Variants in SIPA1L1 observed in about 807,000 individuals in gnomAD.
The protein encoded by SIPA1L1 is signal induced proliferation associated 1 like 1, also known as signal-induced proliferation-associated 1-like protein 1.
Under a neutral mutation model 162.7 loss-of-function variants are expected in SIPA1L1, and 26 were observed. That is an observed-to-expected ratio of 0.16 (90% CI 0.12 to 0.22). The LOEUF (loss-of-function observed/expected upper bound fraction) is 0.22, where lower values mean the gene tolerates loss of function less well. Among genes scored for constraint, SIPA1L1 ranks in the 10% least tolerant of loss-of-function variants. SIPA1L1 has a pLI of 1.00. For synonymous variants in SIPA1L1, 829 were observed against 837.4 expected, an observed-to-expected ratio of 0.99 and a Z score of 0.17; for missense variants, 1,874 against 2,241.0, an observed-to-expected ratio of 0.84 and a Z score of 3.31.
At chr14:71,430,549 G>T (rs1377507489) in intron 2 of SIPA1L1, among the ~76,000 whole-genome samples, 1 of 152,186 alleles carries the variant, frequency 6.6e-6, no homozygotes, top group Non-Finnish European at 1.5e-5. Context: ...GCATGAGGTT[G>T]TCAGTGCAGT....
intron 2 of SIPA1L1, among the ~76,000 whole-genome samples, chr14:71,467,412 C>T (rs1049602619): frequency 6.6e-6 from 1 of 152,190 alleles, no homozygotes; most frequent in Admixed American, 6.5e-5. Flanking sequence ...ATTGTGTAAT[C>T]ATAAAATAGC....
intron 2 of SIPA1L1, among the ~76,000 whole-genome samples, chr14:71,333,960 A>G (rs910484507): frequency 1.3e-5 from 2 of 152,306 alleles, no homozygotes; most frequent in East Asian, 3.9e-4. Flanking sequence ...GGGTGAGATG[A>G]TGTGGAGTGT....
Position 71,618,869 on chromosome 14 carries a change from A to G in SIPA1L1, c.1611A>G (p.Ile537Met). The G allele has an allele frequency of 6.2e-7, 1 of 1,613,650 alleles. No individual in the cohort carries two copies. The highest frequency in any genetic ancestry group is 8.5e-7 in the Non-Finnish European group (1 of 1,179,784). The stretch of plus-strand genomic sequence containing the variant: ...ATGGATCTCCGTACAACTACCGAAT[A>G]ATTTTTAGAACTAGTGAGGTAAGTC... ...KENGSPYNYRIIFRTSELMTL... is the reference protein window; with the variant it reads ...KENGSPYNYRMIFRTSELMTL... The change falls in exon 6 of 24, where the codon ATA becomes ATG. Residue 537 changes from isoleucine to methionine, a missense_variant. By Grantham distance (10) the Ile-to-Met change is conservative (BLOSUM62 1). Around this residue, in one of 5 missense-constraint regions of SIPA1L1, gnomAD observed 685 missense variants for 828.0 expected, o/e 0.83. Transcript: ENST00000381232.
In SIPA1L1 at chr14:71,463,837, A is replaced by G. The variant is rs1169986485; in HGVS notation, c.-464-48906A>G. Reference sequence around the variant, plus strand: ...TTTCACTTCTAGGAACACCATGATTAATTAGCAAATGCCAGAGCTCTACAG... The same window carrying G: ...TTTCACTTCTAGGAACACCATGATTGATTAGCAAATGCCAGAGCTCTACAG... On this transcript the variant is annotated intron_variant, in intron 2 of 23. Coordinates refer to ENST00000381232, the MANE Select transcript of SIPA1L1 (RefSeq NM_001386936.1). Among the ~76,000 whole-genome samples, 4 of 152,228 alleles carry G rather than the reference A, an allele frequency of 2.6e-5. No homozygotes were observed. In the East Asian group the frequency reaches 5.8e-4, roughly 22 times the overall value.
rs1471036168 is a variant in SIPA1L1, at chr14:71,446,913, T to TG, written c.-464-65830_-464-65829insG. Among the ~76,000 whole-genome samples the TG allele has an allele frequency of 9.6e-4, 124 of 129,482 alleles. 1 individual carries two copies. The highest frequency in any genetic ancestry group is 3.7e-3 in the Middle Eastern group (1 of 270). 84.9% of individuals were successfully genotyped at this position (129,482 alleles called of 152,430 possible). A position where few individuals can be genotyped will look rare whatever the true frequency, so the allele number is the denominator to read the frequency against. ...GGCTCTGTTTTTTTTTTTGTTTTTT[T>TG]TTTTTTTTTTTTTTTTGAGACAGGC... On this transcript the variant is annotated intron_variant, in intron 2 of 23. Transcript: ENST00000381232.
intron 4 of SIPA1L1, among the ~76,000 whole-genome samples, chr14:71,568,800 C>A (rs1310306316): frequency 6.6e-6 from 1 of 152,130 alleles, no homozygotes; most frequent in Non-Finnish European, 1.5e-5. Context: ...ATTATGGGTC[C>A]ATTTCCGTTT....
At position 71,421,545 on chromosome 14, in the gene SIPA1L1, A is replaced by G. The variant is rs546905622; in HGVS notation, c.-464-91198A>G. ...GCCCAGGAGTTGAAGGCAGTGAGCT[A>G]TAATCACTCTACTGTACTCCATCCT... On this transcript the variant is annotated intron_variant, in intron 2 of 23. Coordinates refer to ENST00000381232, the MANE Select transcript of SIPA1L1 (RefSeq NM_001386936.1). Among the ~76,000 whole-genome samples the G allele has an allele frequency of 3.9e-5, 6 of 152,284 alleles. No individual in the cohort carries two copies. The South Asian group carries it at 6.2e-4, about 16-fold the overall frequency.
At chr14:71,576,348 TG>T (rs2033027199) in intron 4 of SIPA1L1, among the ~76,000 whole-genome samples, 1 of 152,230 alleles carries the variant, frequency 6.6e-6, no homozygotes, top group Non-Finnish European at 1.5e-5. Flanking sequence ...CTTTAAAGAT[TG>T]CTTTAGCGAG....
At chr14:71,480,589 C>T (rs1172981642) in intron 2 of SIPA1L1, among the ~76,000 whole-genome samples, 1 of 151,680 alleles carries the variant, frequency 6.6e-6, no homozygotes, top group African/African-American at 2.4e-5. Flanking sequence ...TGGTGAGACC[C>T]CGTCTCTACT....
intron 12 of SIPA1L1, 54 bp downstream of exon 12, chr14:71,672,676 C>A: frequency 6.4e-7 from 1 of 1,563,856 alleles, no homozygotes; most frequent in Non-Finnish European, 8.7e-7. Context: ...GGTTTGTGTA[C>A]CATGTAGAAC....
intron 4 of SIPA1L1, chr14:71,574,349 A>T (rs1188728646): frequency 6.5e-6 from 1 of 152,700 alleles, no homozygotes; most frequent in Non-Finnish European, 1.5e-5. Context: ...CTGAAGTCTC[A>T]CGAGAACCCG....
intron 19 of SIPA1L1, among the ~76,000 whole-genome samples, chr14:71,725,634 C>CTT (rs778493696): frequency 2.6e-5 from 4 of 152,148 alleles, no homozygotes; most frequent in Non-Finnish European, 5.9e-5. Context: ...AAGGCTCTCT[C>CTT]CTTTCTTGTT....
intron 2 of SIPA1L1, chr14:71,379,557 A>T (rs1011251344): frequency 6.6e-6 from 1 of 152,154 alleles, no homozygotes; most frequent in African/African-American, 2.4e-5. Flanking sequence ...TCAGCCTTCC[A>T]AAGTGTTGGG....
intron 12 of SIPA1L1, among the ~76,000 whole-genome samples, chr14:71,681,855 C>T (rs1213055689): frequency 6.6e-6 from 1 of 152,156 alleles, no homozygotes; most frequent in African/African-American, 2.4e-5. Context: ...AATACAAAGA[C>T]TGAAAAACAG....
At chr14:71,329,633 A>G (rs2034281775) in intron 2 of SIPA1L1, among the ~76,000 whole-genome samples, 1 of 152,090 alleles carries the variant, frequency 6.6e-6, no homozygotes, top group Admixed American at 6.5e-5. Context: ...TTAAATAGGA[A>G]CCATCTTAAT....
intron 2 of SIPA1L1, among the ~76,000 whole-genome samples, chr14:71,359,728 G>A (rs1244489197): frequency 6.6e-6 from 1 of 152,110 alleles, no homozygotes; most frequent in African/African-American, 2.4e-5. Context: ...AAGTGCATGA[G>A]TTGTGTTGTA....
chr14:71,434,860 T>G (rs945350318), intron 2 of SIPA1L1, among the ~76,000 whole-genome samples: 4 of 152,200 alleles, frequency 2.6e-5, no homozygotes, highest in African/African-American at 9.6e-5. Flanking sequence ...GGATTACAGG[T>G]ATGAGCCACT....
chr14:71,543,994 C>T (rs1016531957), intron 4 of SIPA1L1, among the ~76,000 whole-genome samples: 17 of 140,332 alleles, frequency 1.2e-4, no homozygotes, highest in African/African-American at 5.0e-4. Context: ...TGTATATATA[C>T]ACACACGCAC....
At chr14:71,352,012 C>T (rs1244902796) in intron 2 of SIPA1L1, among the ~76,000 whole-genome samples, 2 of 150,236 alleles carry the variant, frequency 1.3e-5, no homozygotes, top group African/African-American at 4.9e-5. Context: ...ACAAGTGTGC[C>T]AGAGGAAAAA....
Sources: gnomAD v4.1 joint callset for allele counts (sites outside exome capture counted in the v4.1 genomes callset) on GRCh38, gnomAD v4.1.1 for gene constraint, gnomAD v4.1.1 regional missense constraint, MANE v1.5 for transcripts, NCBI Gene and HGNC (gene_info 2026-07-23, HGNC 2026-07-21) for gene names.